The following HGF variants were observed in gnomAD, a reference collection of about 807,000 sequenced individuals.
HGF encodes the protein fibroblast-derived tumor cytotoxic factor.
HGF carries 39 observed loss-of-function variants against 111.6 expected under a neutral mutation model. That is an observed-to-expected ratio of 0.35 (90% CI 0.27 to 0.46). The LOEUF is 0.46. HGF is among the 20% of genes least tolerant of loss of function. The pLI, the probability that HGF is intolerant of heterozygous loss-of-function variation, is 1.00. For synonymous variants in HGF, 285 were observed against 294.8 expected, an observed-to-expected ratio of 0.97 and a Z score of 0.34; for missense variants, 735 against 910.5, an observed-to-expected ratio of 0.81 and a Z score of 2.48.
rs1235171007 is a variant in HGF, at chr7:81,702,090, T to G, written c.*491A>C. 2 of 197,872 alleles carry G rather than the reference T, an allele frequency of 1.0e-5. No homozygotes were observed. Among genetic ancestry groups the G allele is most frequent in the Non-Finnish European group, 2.1e-5 (2 of 95,584 alleles). 12.3% of individuals were successfully genotyped at this position (197,872 alleles called of 1,614,324 possible). ...TCGTGTACCAGTATTGCAGGATACA[T>G]GGTGAAGAGAAATGAATGAACTATA... is the stretch of plus-strand genomic sequence containing the variant. On this transcript the variant is annotated 3_prime_UTR_variant, in exon 18 of 18. Coordinates refer to ENST00000222390, the MANE Select transcript of HGF (RefSeq NM_000601.6).
At chr7:81,762,146 C>A (rs1205441579) in intron 2 of HGF, among the ~76,000 whole-genome samples, 1 of 152,068 alleles carries the variant, frequency 6.6e-6, no homozygotes, top group Non-Finnish European at 1.5e-5. Context: ...CATTTAAGTC[C>A]CCTCATGCCT....
intron 4 of HGF, chr7:81,755,257 A>C (rs1403082676): frequency 6.6e-6 from 1 of 152,106 alleles, no homozygotes; most frequent in Non-Finnish European, 1.5e-5. Flanking sequence ...GTCAACAATA[A>C]ATCATTCCTC....
At chr7:81,756,297 A>T (rs1458454176) in intron 4 of HGF, 2 of 493,682 alleles carry the variant, frequency 4.1e-6, no homozygotes, top group Non-Finnish European at 7.1e-6. Context: ...ATTACAAGTA[A>T]ATGAGATTAA....
chr7:81,738,080 T>A (rs10268100), intron 7 of HGF, among the ~76,000 whole-genome samples: 115,695 of 151,904 alleles, frequency 0.76, 44,274 homozygotes, highest in Middle Eastern at 0.88. Context: ...CACCAGAGGG[T>A]GGTGGATAGG....
chr7:81,741,154 C>A (rs1377253399), intron 7 of HGF, among the ~76,000 whole-genome samples: 3 of 152,138 alleles, frequency 2.0e-5, no homozygotes, highest in African/African-American at 7.2e-5. Context: ...ATAGTCATAT[C>A]TATATCTCTT....
At chr7:81,728,943 A>G (rs146336890) in intron 8 of HGF, among the ~76,000 whole-genome samples, 36 of 152,364 alleles carry the variant, frequency 2.4e-4, no homozygotes, top group African/African-American at 8.7e-4. Flanking sequence ...AACACATGGC[A>G]TTGTGTCTGT....
chr7:81,761,951 G>A (rs1789105753), intron 2 of HGF, among the ~76,000 whole-genome samples: 1 of 152,106 alleles, frequency 6.6e-6, no homozygotes, highest in Admixed American at 6.5e-5. Flanking sequence ...AATCTAATGT[G>A]GCAGATCCAA....
chr7:81,743,031 G>A (rs1788072273), intron 7 of HGF: 1 of 1,189,014 alleles, frequency 8.4e-7, no homozygotes, highest in Admixed American at 1.8e-5. Flanking sequence ...TAATGACTTT[G>A]TGATGCTGCA....
At chr7:81,742,433 T>C (rs1788044186) in intron 7 of HGF, among the ~76,000 whole-genome samples, 1 of 152,208 alleles carries the variant, frequency 6.6e-6, no homozygotes, top group Non-Finnish European at 1.5e-5. Flanking sequence ...TGATCTTATG[T>C]AGGTTATTTA....
Position 81,769,599 on chromosome 7 carries a change from TC to T in HGF, c.88+284del, listed in dbSNP as rs2116291352. ...AAGTTCAGCCAGTATTAGCACTTCC[TC>T]CCTATCTCATAATCCACAACTATTA... is the stretch of plus-strand genomic sequence containing the variant. On this transcript the variant is annotated intron_variant, in intron 1 of 17. Coordinates refer to ENST00000222390, the MANE Select transcript of HGF (RefSeq NM_000601.6). Among the ~76,000 whole-genome samples the T allele has an allele frequency of 2.0e-5, 3 of 152,292 alleles. No homozygotes were observed. The South Asian group carries it at 6.2e-4, about 32-fold the overall frequency.
chr7:81,733,206 T>C (rs2115950340), intron 7 of HGF, among the ~76,000 whole-genome samples: 1 of 152,126 alleles, frequency 6.6e-6, no homozygotes, highest in Admixed American at 6.5e-5. Context: ...TTGGATTCAA[T>C]AATTTAAACT....
At chr7:81,711,372 T>C (rs1302052703) in intron 12 of HGF, 109 bp downstream of exon 12, 1 of 552,472 alleles carries the variant, frequency 1.8e-6, no homozygotes. Context: ...GATTAACTTC[T>C]TTTTATAATG....
At chr7:81,742,835 C>T (rs992919998) in intron 7 of HGF, 1 of 1,576,782 alleles carries the variant, frequency 6.3e-7, no homozygotes, top group Non-Finnish European at 8.6e-7. Flanking sequence ...TAGGGATCAG[C>T]TATAAAGATT....
chr7:81,766,777 T>A (rs1203497109), intron 1 of HGF, among the ~76,000 whole-genome samples: 2 of 152,132 alleles, frequency 1.3e-5, no homozygotes, highest in African/African-American at 4.8e-5. Flanking sequence ...CCTACAACTT[T>A]CCTTCCACAC....
chr7:81,706,052 C>CT (rs1167318580), intron 15 of HGF, among the ~76,000 whole-genome samples: 1 of 151,856 alleles, frequency 6.6e-6, no homozygotes, highest in East Asian at 1.9e-4. Flanking sequence ...TTAAAACAGA[C>CT]TGATCAGACT....
chr7:81,770,045 C>T lies in HGF; in HGVS notation c.-74G>A. On this transcript the variant is annotated 5_prime_UTR_variant, in exon 1 of 18. Coordinates refer to ENST00000222390, the MANE Select transcript of HGF (RefSeq NM_000601.6). The stretch of plus-strand genomic sequence containing the variant: ...GAAAGAATCCTGTTCGGAGTCAGTG[C>T]CTAAAAGAGCCAGTCGGCTCTGAGC... The T allele has an allele frequency of 5.6e-6, 6 of 1,063,682 alleles. No homozygotes were observed. The highest frequency in any genetic ancestry group is 2.8e-4 in the Middle Eastern group (1 of 3,572). 65.9% of individuals were successfully genotyped at this position (1,063,682 alleles called of 1,614,324 possible).
At position 81,702,406 on chromosome 7, in the gene HGF, C is replaced by G. The variant is rs1216177984; in HGVS notation, c.*175G>C. On this transcript the variant is annotated 3_prime_UTR_variant, in exon 18 of 18. Transcript: ENST00000222390. Reference sequence around the variant, plus strand: ...TCACTTCAACATTGACAAAATAACACTGACAAACAAAACAACAGAAAACAC... The same window carrying G: ...TCACTTCAACATTGACAAAATAACAGTGACAAACAAAACAACAGAAAACAC... The G allele has an allele frequency of 5.0e-6, 3 of 595,058 alleles. No homozygotes were observed. 36.9% of individuals were successfully genotyped at this position (595,058 alleles called of 1,614,324 possible). A position where few individuals can be genotyped will look rare whatever the true frequency, so the allele number is the denominator to read the frequency against.
chr7:81,706,290 G>C lies in HGF; in HGVS notation c.1754C>G (p.Ala585Gly). 1.2e-6 allele frequency: 2 copies of C among 1,612,294 alleles called. No homozygotes were observed. Among genetic ancestry groups the C allele is most frequent in the South Asian group, 2.2e-5 (2 of 91,064 alleles). The change falls in exon 15 of 18, where the codon GCC (alanine) becomes GGC (glycine). Residue 585 changes from alanine (A) to glycine (G), a missense_variant. Ala to Gly is a moderately conservative substitution (Grantham distance 60). Transcript: ENST00000222390. ...AAAATCTTCTAAAGTAACTAACCTG[G>C]CAAGCTTCATTAAAACCAGATCTGA... is the stretch of plus-strand genomic sequence containing the variant. Reference protein sequence around the residue: ...EGSDLVLMKLARPAVLDDFVS... With the variant: ...EGSDLVLMKLGRPAVLDDFVS...
At chr7:81,719,034 A>G (rs528289817) in intron 10 of HGF, among the ~76,000 whole-genome samples, 4 of 152,190 alleles carry the variant, frequency 2.6e-5, no homozygotes, top group Admixed American at 2.0e-4. Context: ...AAGACTCTCT[A>G]TATGGTGTTA....
Sources: gnomAD v4.1 joint callset for allele counts (sites outside exome capture counted in the v4.1 genomes callset) on GRCh38, gnomAD v4.1.1 for gene constraint, MANE v1.5 for transcripts, NCBI Gene and HGNC (gene_info 2026-07-23, HGNC 2026-07-21) for gene names.